ABCC2: variants seen among roughly 807,000 people sequenced by gnomAD.
ABCC2 encodes the protein ATP-binding cassette sub-family C member 2.
A neutral mutation model predicts 173.4 loss-of-function variants in ABCC2; 157 were observed. The observed-to-expected ratio is 0.91, with a 90% confidence interval of 0.80 to 1.03. The LOEUF (loss-of-function observed/expected upper bound fraction) is 1.03. ABCC2 is among the 50% of genes least tolerant of loss of function. ABCC2 has a pLI of 0.00. For synonymous variants in ABCC2, 657 were observed against 693.5 expected (o/e 0.95, Z 0.83); for missense variants, 1,822 against 1,852.3 (o/e 0.98, Z 0.30).
At chr10:99,831,950 T>C in intron 22 of ABCC2, 27 bp from the exon 23 acceptor site, 1 of 1,614,222 alleles carries the variant, frequency 6.2e-7, no homozygotes. Flanking sequence ...CTGTGCATGG[T>C]GCTGACAAAA....
chr10:99,845,266 C>T (rs2039000828), intron 28 of ABCC2, among the ~76,000 whole-genome samples: 1 of 152,174 alleles, frequency 6.6e-6, no homozygotes, highest in Non-Finnish European at 1.5e-5. Flanking sequence ...CTCCTGAACT[C>T]AGGTGATCTG....
chr10:99,812,214 G>A (rs2038228071), intron 15 of ABCC2, among the ~76,000 whole-genome samples: 1 of 152,134 alleles, frequency 6.6e-6, no homozygotes, highest in Admixed American at 6.5e-5. Context: ...CCTTTAACAT[G>A]GACTCCAGAG....
rs11190286 is a variant in ABCC2, at chr10:99,794,273, C to T, written c.577-140C>T. On this transcript the variant is annotated intron_variant, in intron 5 of 31. Transcript: ENST00000647814. ...TGGCTTTAGGGTCTCCAAATAAACA[C>T]ATGTTGATAAGCTGACTTTAACATC... The T allele has an allele frequency of 1.1e-3, 906 of 855,810 alleles. 3 individuals are homozygous for T. The African/African-American group carries it at 0.012, about 11-fold the overall frequency. The allele number at this position is 855,810 out of a possible 1,614,324, so 53.0% of individuals were successfully genotyped here. A position where few individuals can be genotyped will look rare whatever the true frequency, so the allele number is the denominator to read the frequency against.
chr10:99,797,140 G>A lies in ABCC2; in HGVS notation c.676G>A (p.Val226Ile), dbSNP rs1364001495. The A allele has an allele frequency of 6.2e-7, 1 of 1,614,186 alleles. No individual in the cohort carries two copies. The highest frequency in any genetic ancestry group is 8.5e-7 in the Non-Finnish European group (1 of 1,180,016). ...CAAGCGTCCTCTGACACTCGAGGAT[G>A]TCTGGGAAGTTGATGAAGAGATGAA... Reference protein sequence around the residue: ...GYKRPLTLEDVWEVDEEMKTK... With the variant: ...GYKRPLTLEDIWEVDEEMKTK... Residue 226 changes from valine (V) to isoleucine (I), a missense_variant, in exon 7 of 32, where the codon GTC (valine) becomes ATC (isoleucine). By Grantham distance (29) the Val-to-Ile change is conservative. Transcript: ENST00000647814.
chr10:99,824,612 T>C (rs1320783715), intron 19 of ABCC2, among the ~76,000 whole-genome samples: 1 of 150,718 alleles, frequency 6.6e-6, no homozygotes, highest in Non-Finnish European at 1.5e-5. Context: ...CTTTATTATT[T>C]ATGGCTGGTA....
chr10:99,792,980 C>G (rs985260194), intron 3 of ABCC2, among the ~76,000 whole-genome samples: 5 of 152,178 alleles, frequency 3.3e-5, no homozygotes, highest in African/African-American at 9.7e-5. Context: ...TCCTTTAGAC[C>G]ATGTGCTCGG....
At chr10:99,843,730 C>A in intron 26 of ABCC2, 69 bp from the exon 27 acceptor site, 1 of 1,323,004 alleles carries the variant, frequency 7.6e-7, no homozygotes, top group Non-Finnish European at 1.1e-6. Flanking sequence ...CTGGATTGTC[C>A]TTGTGGTTTG....
chr10:99,821,299 C>G (rs528798585), intron 19 of ABCC2, among the ~76,000 whole-genome samples: 1 of 152,172 alleles, frequency 6.6e-6, no homozygotes, highest in Non-Finnish European at 1.5e-5. Flanking sequence ...TGCCCAGGAA[C>G]GGGCAGGAGA....
intron 15 of ABCC2, 129 bp from the exon 16 acceptor site, chr10:99,812,889 A>T: frequency 8.0e-7 from 1 of 1,250,314 alleles, no homozygotes; most frequent in Non-Finnish European, 1.2e-6. Context: ...TGTATATCCA[A>T]GGCAAATTTT....
chr10:99,790,003 G>A (rs2037786498), intron 2 of ABCC2, among the ~76,000 whole-genome samples: 1 of 152,170 alleles, frequency 6.6e-6, no homozygotes. Flanking sequence ...TAATTTATGT[G>A]TCCTGTATGA....
chr10:99,823,024 T>G (rs2038565216), intron 19 of ABCC2, among the ~76,000 whole-genome samples: 1 of 151,900 alleles, frequency 6.6e-6, no homozygotes, highest in African/African-American at 2.4e-5. Context: ...GTTGCCCATA[T>G]GAAATGTGAA....
intron 31 of ABCC2, 102 bp downstream of exon 31, chr10:99,850,898 C>A: frequency 7.4e-7 from 1 of 1,357,854 alleles, no homozygotes; most frequent in Non-Finnish European, 1.1e-6. Flanking sequence ...TTAACCACCA[C>A]CACATTACTG....
In ABCC2 at chr10:99,799,080, G is replaced by A. The variant is rs11816875; in HGVS notation, c.868-127G>A. On this transcript the variant is annotated intron_variant, in intron 7 of 31. Transcript: ENST00000647814. ...GCAGCTAGAAGGGCAGAAGCAACTA[G>A]GCCAGGGAGAGATGATCAAAACCTG... 3,354 of 996,718 alleles carry A rather than the reference G, an allele frequency of 3.4e-3. 83 individuals carry two copies. The African/African-American group carries it at 0.048, about 14-fold the overall frequency. The allele number at this position is 996,718 out of a possible 1,614,324, so 61.7% of individuals were successfully genotyped here.
rs144557896 is a variant in ABCC2, at chr10:99,852,510, T to C, written c.*879T>C. Among the ~76,000 whole-genome samples the C allele has an allele frequency of 6.1e-3, 929 of 152,362 alleles. 12 individuals carry two copies. The highest frequency in any genetic ancestry group is 0.02 in the African/African-American group (836 of 41,590). On this transcript the variant is annotated 3_prime_UTR_variant, in exon 32 of 32. Coordinates refer to ENST00000647814, the MANE Select transcript of ABCC2 (RefSeq NM_000392.5). Reference sequence around the variant, plus strand: ...GTTTATCTGTTGTTTCTGTTGGTTTTTACTCATGGTATTTTATTTCCTTGT... The same window carrying C: ...GTTTATCTGTTGTTTCTGTTGGTTTCTACTCATGGTATTTTATTTCCTTGT...
At chr10:99,830,011 G>T (rs993334332) in intron 19 of ABCC2, among the ~76,000 whole-genome samples, 1 of 152,156 alleles carries the variant, frequency 6.6e-6, no homozygotes, top group Non-Finnish European at 1.5e-5. Flanking sequence ...ATCCTTAAAA[G>T]CTCTTTCCTC....
At chr10:99,797,668 G>A (rs2132991828) in intron 7 of ABCC2, 1 of 331,920 alleles carries the variant, frequency 3.0e-6, no homozygotes, top group South Asian at 2.8e-5. Context: ...TATTTATTGA[G>A]CACAACTGTG....
intron 4 of ABCC2, 58 bp downstream of exon 4, chr10:99,793,743 T>C: frequency 1.2e-6 from 2 of 1,609,650 alleles, no homozygotes; most frequent in Non-Finnish European, 1.7e-6. Flanking sequence ...CTCTAACTCA[T>C]AGTAAATGGC....
chr10:99,831,216 TTTTG>T (rs1367252831), intron 21 of ABCC2, among the ~76,000 whole-genome samples: 1 of 152,118 alleles, frequency 6.6e-6, no homozygotes, highest in Non-Finnish European at 1.5e-5. Context: ...CACTCTGATT[TTTTG>T]TTTGTGTGTT....
At chr10:99,786,643 G>A (rs1366374321) in intron 2 of ABCC2, among the ~76,000 whole-genome samples, 1 of 152,174 alleles carries the variant, frequency 6.6e-6, no homozygotes, top group African/African-American at 2.4e-5. Context: ...GAGGTGGGTG[G>A]ATCACTTGAG....
Sources: gnomAD v4.1 joint callset for allele counts (sites outside exome capture counted in the v4.1 genomes callset) on GRCh38, gnomAD v4.1.1 for gene constraint, MANE v1.5 for transcripts, NCBI Gene and HGNC (gene_info 2026-07-23, HGNC 2026-07-21) for gene names.